INTS7: variants seen among roughly 807,000 people sequenced by gnomAD.
The protein encoded by INTS7 is chromosome 1 open reading frame 73.
In INTS7, 46 loss-of-function variants were observed where a neutral mutation model predicts 109.2. That is an observed-to-expected ratio of 0.42 (90% confidence interval 0.33 to 0.54). The LOEUF (loss-of-function observed/expected upper bound fraction) is 0.54. INTS7 is among the 20% of genes least tolerant of loss of function. INTS7 has a pLI of 0.07. For missense variants in INTS7, 929 were observed against 1,132.4 expected (o/e 0.82, Z 2.58); for synonymous variants, 412 against 402.9 (o/e 1.02, Z -0.27).
At chr1:212,021,568 C>A (rs1666706477) in intron 1 of INTS7, among the ~76,000 whole-genome samples, 1 of 151,468 alleles carries the variant, frequency 6.6e-6, no homozygotes, top group Non-Finnish European at 1.5e-5. Context: ...ACGTTTAACC[C>A]ATAGGTGGCT....
intron 10 of INTS7, among the ~76,000 whole-genome samples, chr1:211,978,979 C>T (rs1385083111): frequency 6.6e-6 from 1 of 152,098 alleles, no homozygotes; most frequent in Non-Finnish European, 1.5e-5. Flanking sequence ...TTTAAAAAGA[C>T]GGCTTAGATG....
chr1:211,992,331 T>C (rs1665182279), intron 7 of INTS7, among the ~76,000 whole-genome samples: 1 of 152,098 alleles, frequency 6.6e-6, no homozygotes, highest in Non-Finnish European at 1.5e-5. Flanking sequence ...AAAATGATAA[T>C]ATTAATAATT....
chr1:212,000,773 T>C lies in INTS7; in HGVS notation c.879+5866A>G, dbSNP rs186830332. ...CAAAACAAAACCCAAAAAAAATCCATCACAAGAGACTTTCTATAACTTTTT... is the reference window on the plus strand; with the variant it reads ...CAAAACAAAACCCAAAAAAAATCCACCACAAGAGACTTTCTATAACTTTTT... On this transcript the variant is annotated intron_variant, in intron 7 of 19. Coordinates refer to ENST00000366994, the MANE Select transcript of INTS7 (RefSeq NM_015434.4). 1.6e-3 allele frequency among the ~76,000 whole-genome samples: 247 copies of C among 152,280 alleles called. 2 individuals are homozygous for C. The highest frequency in any genetic ancestry group is 8.2e-4 in the Non-Finnish European group (56 of 68,026).
chr1:211,971,517 T>C (rs943403848), intron 13 of INTS7, among the ~76,000 whole-genome samples: 1 of 152,150 alleles, frequency 6.6e-6, no homozygotes, highest in Non-Finnish European at 1.5e-5. Flanking sequence ...ATAATTTAGA[T>C]GATCAAAGCA....
chr1:211,991,144 A>C (rs1390976652), intron 7 of INTS7, among the ~76,000 whole-genome samples: 2 of 152,240 alleles, frequency 1.3e-5, no homozygotes, highest in Admixed American at 1.3e-4. Flanking sequence ...AAATCTAGTA[A>C]CCAGATTCCA....
At chr1:211,961,000 G>C (rs1175024825) in intron 16 of INTS7, among the ~76,000 whole-genome samples, 8 of 151,640 alleles carry the variant, frequency 5.3e-5, no homozygotes, top group Admixed American at 5.3e-4. Context: ...AGGCAACAGT[G>C]AGACTCTGTC....
At chr1:211,967,253 C>A (rs1053683723) in intron 15 of INTS7, among the ~76,000 whole-genome samples, 12 of 151,866 alleles carry the variant, frequency 7.9e-5, no homozygotes, top group South Asian at 4.1e-4. Context: ...GAGTTTGAGA[C>A]CAGCCTGGCC....
At position 211,982,028 on chromosome 1, in the gene INTS7, G is replaced by C. The variant is rs563941956; in HGVS notation, c.1132+648C>G. ...AGGAACAAGCAGTGCTGAAGGCTAG[G>C]GGGGATAAGAGGAACCACTGAGCTT... On this transcript the variant is annotated intron_variant, in intron 9 of 19. Transcript: ENST00000366994. Among the ~76,000 whole-genome samples the C allele has an allele frequency of 7.9e-5, 12 of 152,056 alleles. No homozygotes were observed. In the East Asian group the frequency reaches 9.6e-4, roughly 12 times the overall value.
At chr1:212,017,652 T>C (rs1224962564) in intron 3 of INTS7, among the ~76,000 whole-genome samples, 1 of 152,178 alleles carries the variant, frequency 6.6e-6, no homozygotes, top group Non-Finnish European at 1.5e-5. Flanking sequence ...AGAAAGTAGT[T>C]TGAAAAATCC....
chr1:211,994,790 A>C (rs948180162), intron 7 of INTS7, among the ~76,000 whole-genome samples: 8 of 151,844 alleles, frequency 5.3e-5, no homozygotes, highest in Non-Finnish European at 8.8e-5. Context: ...CAATTAAAAA[A>C]AAAACAAAAC....
At chr1:211,994,000 A>G (rs17018330) in intron 7 of INTS7, among the ~76,000 whole-genome samples, 10,871 of 152,186 alleles carry the variant, frequency 0.071, 651 homozygotes, top group African/African-American at 0.16. Context: ...AAAAGTAGCA[A>G]TGGAAATGGA....
chr1:211,953,245 C>T (rs1285133149), intron 16 of INTS7, among the ~76,000 whole-genome samples: 3 of 152,100 alleles, frequency 2.0e-5, no homozygotes, highest in Non-Finnish European at 2.9e-5. Context: ...CGCATAGGCA[C>T]GTTCAGAAGA....
At chr1:211,944,175 GA>G (rs1244650474) in intron 19 of INTS7, among the ~76,000 whole-genome samples, 14 of 150,222 alleles carry the variant, frequency 9.3e-5, no homozygotes. Context: ...AAACTAAATA[GA>G]TGTGTATTTT....
intron 1 of INTS7, among the ~76,000 whole-genome samples, chr1:212,022,791 G>A (rs1270296549): frequency 6.6e-6 from 1 of 152,050 alleles, no homozygotes; most frequent in Non-Finnish European, 1.5e-5. Flanking sequence ...GTGCAAGTTT[G>A]CTAATGGGTA....
chr1:212,030,552 G>C lies in INTS7; in HGVS notation c.94+4792C>G, dbSNP rs369802913. Among the ~76,000 whole-genome samples, 55 of 152,270 alleles carry C rather than the reference G, an allele frequency of 3.6e-4. 2 individuals are homozygous for C. The South Asian group carries it at 0.011, about 30-fold the overall frequency. ...GATCCGCCCGCCTCGGCCTCCCAAAGTGCTGGGATGACAGGTGTGAGTCAC... is the reference window on the plus strand; with the variant it reads ...GATCCGCCCGCCTCGGCCTCCCAAACTGCTGGGATGACAGGTGTGAGTCAC... On this transcript the variant is annotated intron_variant, in intron 1 of 19. Coordinates refer to ENST00000366994, the MANE Select transcript of INTS7 (RefSeq NM_015434.4).
At chr1:211,973,573 A>G (rs1351807615) in intron 13 of INTS7, among the ~76,000 whole-genome samples, 2 of 152,214 alleles carry the variant, frequency 1.3e-5, no homozygotes, top group African/African-American at 4.8e-5. Flanking sequence ...GGGGCAGCCC[A>G]TGCTCATATT....
At chr1:212,005,596 C>A (rs534919925) in intron 7 of INTS7, among the ~76,000 whole-genome samples, 9 of 152,180 alleles carry the variant, frequency 5.9e-5, no homozygotes, top group Non-Finnish European at 1.2e-4. Flanking sequence ...GCTTCTCACT[C>A]ATCTTTCTAA....
chr1:211,962,462 T>C (rs971635834), intron 16 of INTS7, among the ~76,000 whole-genome samples: 1 of 152,020 alleles, frequency 6.6e-6, no homozygotes, highest in African/African-American at 2.4e-5. Flanking sequence ...ATGACAGTAT[T>C]AGATCACTGA....
intron 5 of INTS7, among the ~76,000 whole-genome samples, chr1:212,010,769 TAGG>T (rs1666133288): frequency 6.6e-6 from 1 of 152,210 alleles, no homozygotes; most frequent in African/African-American, 2.4e-5. Flanking sequence ...GCTTAGAGCC[TAGG>T]AACAATAGGC....
Sources: gnomAD v4.1 joint callset for allele counts (sites outside exome capture counted in the v4.1 genomes callset) on GRCh38, gnomAD v4.1.1 for gene constraint, MANE v1.5 for transcripts, NCBI Gene and HGNC (gene_info 2026-07-23, HGNC 2026-07-21) for gene names.